EPS8L2: variants seen among roughly 807,000 people sequenced by gnomAD.
EPS8L2 encodes the protein EPS8 signaling adaptor L2, also known as epidermal growth factor receptor kinase substrate 8-like protein 2.
A neutral mutation model predicts 99.4 loss-of-function variants in EPS8L2; 81 were observed. The ratio of observed to expected loss-of-function variants is 0.82; its 90% confidence interval spans 0.68 to 0.98. The LOEUF (loss-of-function observed/expected upper bound fraction) is 0.98. Among genes scored for constraint, EPS8L2 ranks in the 50% least tolerant of loss-of-function variants. The pLI is 0.00. For missense variants in EPS8L2, 1,155 were observed against 968.8 expected, an observed-to-expected ratio of 1.19 and a Z score of -2.55; for synonymous variants, 509 against 407.3, an observed-to-expected ratio of 1.25 and a Z score of -3.01.
intron 4 of EPS8L2, among the ~76,000 whole-genome samples, chr11:712,175 A>G (rs1193075018): frequency 1.3e-5 from 2 of 151,612 alleles, no homozygotes; most frequent in African/African-American, 2.4e-5. Context: ...AGTCCCAGCT[A>G]CTTGGGAAGC....
At chr11:716,053 A>G (rs1590050384) in intron 4 of EPS8L2, among the ~76,000 whole-genome samples, 2 of 140,698 alleles carry the variant, frequency 1.4e-5, no homozygotes, top group Admixed American at 1.5e-4. Context: ...GCTCACTGCA[A>G]CCTCCGCCTC....
In EPS8L2 at chr11:726,615, C is replaced by A. The variant is rs146546442; in HGVS notation, c.1935-4C>A. 1.0e-3 allele frequency: 1,572 copies of A among 1,549,324 alleles called. 16 individuals carry two copies. In the East Asian group the frequency reaches 0.028, roughly 28 times the overall value. On this transcript the variant is annotated splice_region_variant and splice_polypyrimidine_tract_variant and intron_variant, in intron 19 of 20. Coordinates refer to ENST00000318562, the MANE Select transcript of EPS8L2 (RefSeq NM_022772.4). Reference sequence around the variant, plus strand: ...GGCCCTGACGCCCAACTGCCCGCCCCCAGGATCGTGGAGAACCTGGGCATC... The same window carrying A: ...GGCCCTGACGCCCAACTGCCCGCCCACAGGATCGTGGAGAACCTGGGCATC...
intron 20 of EPS8L2, 37 bp downstream of exon 20, chr11:726,788 G>T (rs1236811597): frequency 6.3e-7 from 1 of 1,579,044 alleles, no homozygotes; most frequent in East Asian, 2.3e-5. Context: ...CGCCCCTCCT[G>T]CCCCTGCGCC....
Position 710,488 on chromosome 11 carries a change from T to C in EPS8L2, c.165+2T>C. On this transcript the variant is annotated splice_donor_variant, in intron 4 of 20. Coordinates refer to ENST00000318562, the MANE Select transcript of EPS8L2 (RefSeq NM_022772.4). LOFTEE classifies it high-confidence loss of function. The stretch of plus-strand genomic sequence containing the variant: ...GAGACCTCGCAGTACCACGTCCAGG[T>C]AAGGCCCCGCCCCCAGGTAGGCTCC... 1.2e-6 allele frequency: 2 copies of C among 1,613,470 alleles called. No individual in the cohort carries two copies. Among genetic ancestry groups the C allele is most frequent in the Non-Finnish European group, 1.7e-6 (2 of 1,179,774 alleles).
At chr11:711,667 C>T (rs1021704732) in intron 4 of EPS8L2, among the ~76,000 whole-genome samples, 2 of 152,042 alleles carry the variant, frequency 1.3e-5, no homozygotes, top group Non-Finnish European at 2.9e-5. Flanking sequence ...AGGATCCCAC[C>T]ACGGCCCTCC....
chr11:714,910 A>G (rs1018947685), intron 4 of EPS8L2, among the ~76,000 whole-genome samples: 12 of 152,198 alleles, frequency 7.9e-5, no homozygotes, highest in African/African-American at 2.9e-4. Flanking sequence ...TGGTTTTATA[A>G]AATGGGTGGG....
At position 724,333 on chromosome 11, in the gene EPS8L2, C is replaced by T. The variant is rs367609680; in HGVS notation, c.1455-391C>T. Reference sequence around the variant, plus strand: ...CTGTGTTCAGTCCTCAGAGGGGCCACGGCTCTGAAGACATGCTGGCCCTCA... The same window carrying T: ...CTGTGTTCAGTCCTCAGAGGGGCCATGGCTCTGAAGACATGCTGGCCCTCA... On this transcript the variant is annotated intron_variant, in intron 15 of 20. Coordinates refer to ENST00000318562, the MANE Select transcript of EPS8L2 (RefSeq NM_022772.4). This position sits in a 1 kb window ranked among gnomAD's most constrained non-coding sequence, Gnocchi z 5.5. Among the ~76,000 whole-genome samples the T allele has an allele frequency of 1.3e-5, 2 of 152,332 alleles. No individual in the cohort carries two copies. Among genetic ancestry groups the T allele is most frequent in the Admixed American group, 6.5e-5 (1 of 15,302 alleles).
intron 4 of EPS8L2, among the ~76,000 whole-genome samples, chr11:711,773 T>G (rs372597018): frequency 7.5e-6 from 1 of 133,140 alleles, no homozygotes; most frequent in Non-Finnish European, 1.7e-5. Context: ...CATCTGAGGT[T>G]AGGAGTTTGA....
intron 1 of EPS8L2, among the ~76,000 whole-genome samples, chr11:707,495 C>A (rs1464222693): frequency 2.6e-5 from 4 of 152,210 alleles, no homozygotes. Flanking sequence ...CCCGACTGAC[C>A]GGGCACCCCG....
intron 1 of EPS8L2, 180 bp from the exon 2 acceptor site, chr11:709,150 G>A (rs752179597): frequency 2.9e-4 from 121 of 420,436 alleles, no homozygotes; most frequent in Non-Finnish European, 2.6e-4. Flanking sequence ...GAGGCTGATC[G>A]ACTGTCAACT....
At chr11:720,314 C>T in intron 5 of EPS8L2, 91 bp downstream of exon 5, 1 of 1,393,598 alleles carries the variant, frequency 7.2e-7, no homozygotes, top group South Asian at 1.3e-5. Context: ...CCGGTCCTCT[C>T]TGCAGGGCCG....
intron 3 of EPS8L2, chr11:710,115 C>T: frequency 2.4e-6 from 1 of 410,918 alleles, no homozygotes; most frequent in Admixed American, 4.0e-5. Flanking sequence ...GGGCTGGGAC[C>T]CCCTTCCTGT....
At chr11:718,035 C>T (rs1862066667) in intron 4 of EPS8L2, among the ~76,000 whole-genome samples, 1 of 148,836 alleles carries the variant, frequency 6.7e-6, no homozygotes, top group Non-Finnish European at 1.5e-5. Flanking sequence ...AAATTGTTAA[C>T]CAAAAACCAA....
chr11:715,652 G>A (rs1171174352), intron 4 of EPS8L2, among the ~76,000 whole-genome samples: 7 of 100,086 alleles, frequency 7.0e-5, no homozygotes, highest in Admixed American at 1.5e-4. Flanking sequence ...ATGGAGTCTT[G>A]CTCTGTCGCC....
intron 4 of EPS8L2, among the ~76,000 whole-genome samples, chr11:718,424 C>A (rs1199179132): frequency 2.0e-5 from 3 of 151,748 alleles, no homozygotes; most frequent in Admixed American, 6.6e-5. Context: ...AATTGTAATT[C>A]TTTCATTCAA....
At chr11:715,404 T>C (rs975733767) in intron 4 of EPS8L2, among the ~76,000 whole-genome samples, 1 of 152,084 alleles carries the variant, frequency 6.6e-6, no homozygotes, top group African/African-American at 2.4e-5. Flanking sequence ...GCCCCCTCTT[T>C]TGTTCTGGTT....
chr11:707,448 A>G (rs1861756505), intron 1 of EPS8L2, among the ~76,000 whole-genome samples: 1 of 150,822 alleles, frequency 6.6e-6, no homozygotes, highest in African/African-American at 2.4e-5. Context: ...CCGTCCCTCT[A>G]CCCTCCTGCC....
At chr11:722,909 C>T (rs538754967) in intron 14 of EPS8L2, 104 bp downstream of exon 14, 2 of 701,700 alleles carry the variant, frequency 2.9e-6, no homozygotes, top group Middle Eastern at 4.1e-4. Flanking sequence ...AGCTCCCCCC[C>T]CAGCCCTGAC....
intron 18 of EPS8L2, 66 bp from the exon 19 acceptor site, chr11:726,238 G>A (rs572172600): frequency 1.5e-5 from 24 of 1,566,428 alleles, no homozygotes; most frequent in Middle Eastern, 1.8e-4. Context: ...GTGTGGGGGG[G>A]GTCCCTGGGC....
Sources: allele counts gnomAD v4.1 joint callset (sites outside exome capture counted in the v4.1 genomes callset), GRCh38; gene constraint gnomAD v4.1.1; non-coding constraint Gnocchi (gnomAD v3.1); transcripts MANE v1.5; gene names NCBI Gene and HGNC (gene_info 2026-07-23, HGNC 2026-07-21).